FRMPD3: variants seen among roughly 807,000 people sequenced by gnomAD.
The protein encoded by FRMPD3 is FERM and PDZ domain-containing protein 3.
A neutral mutation model predicts 97.9 loss-of-function variants in FRMPD3; 42 were observed. The observed-to-expected ratio is 0.43, with a 90% CI of 0.34 to 0.55. FRMPD3 has a LOEUF of 0.55. Ranked by LOEUF, FRMPD3 falls within the 20% of genes least tolerant of loss-of-function variation. FRMPD3 has a pLI of 0.03. For missense variants in FRMPD3, 1,303 were observed against 1,457.7 expected (o/e 0.89, Z 1.73); for synonymous variants, 577 against 581.1 (o/e 0.99, Z 0.10).
Position 107,560,759 on chromosome X carries a change from C to T in FRMPD3, c.932C>T (p.Pro311Leu). ...KEWGLEPFLP[P>L]SLLQVIKEKN... is the part of the protein sequence containing the mutation. ...TGGGGCCTGGAACCCTTTCTTCCCC[C>T]CTCCCTCCTGCAGGTCATCAAAGAG... is the stretch of plus-strand genomic sequence containing the variant. Residue 311 changes from proline (P) to leucine (L), a missense_variant, in exon 10 of 15, where the codon CCC becomes CTC. Coordinates refer to ENST00000683843, the MANE Select transcript of FRMPD3 (RefSeq NM_001388459.1). The T allele has an allele frequency of 8.6e-7, 1 of 1,169,387 alleles. No individual in the cohort carries two copies. The highest frequency in any genetic ancestry group is 1.1e-6 in the Non-Finnish European group (1 of 873,971).
intron 13 of FRMPD3, among the ~76,000 whole-genome samples, chrX:107,580,788 A>G (rs921418072): frequency 9.0e-6 from 1 of 111,059 alleles, no homozygotes; most frequent in African/African-American, 3.3e-5. Flanking sequence ...TATTTCTCCA[A>G]CTGACCCAGA....
intron 6 of FRMPD3, among the ~76,000 whole-genome samples, chrX:107,550,570 T>C (rs994021090): frequency 8.9e-6 from 1 of 112,141 alleles, no homozygotes; most frequent in Admixed American, 9.4e-5. Context: ...ATTAGCTTAG[T>C]TATGGCTTGC....
chrX:107,596,738 C>A (rs1473039404), intron 13 of FRMPD3, among the ~76,000 whole-genome samples: 1 of 112,146 alleles, frequency 8.9e-6, no homozygotes, highest in Non-Finnish European at 1.9e-5. Flanking sequence ...TAATATAGAG[C>A]CTTATTCTTT....
chrX:107,516,749 T>C (rs1602768339), intron 1 of FRMPD3, among the ~76,000 whole-genome samples: 1 of 110,660 alleles, frequency 9.0e-6, no homozygotes, highest in African/African-American at 3.3e-5. Flanking sequence ...TAAATTTGTT[T>C]GAGTTCTTTG....
intron 5 of FRMPD3, among the ~76,000 whole-genome samples, chrX:107,548,950 T>C (rs1921735875): frequency 8.9e-6 from 1 of 112,419 alleles, no homozygotes; most frequent in African/African-American, 3.2e-5. Flanking sequence ...CTGATGATAT[T>C]AGACCAAGGC....
intron 14 of FRMPD3, among the ~76,000 whole-genome samples, chrX:107,599,355 T>C (rs1010090065): frequency 9.0e-6 from 1 of 111,359 alleles, no homozygotes; most frequent in East Asian, 2.8e-4. Context: ...CCACGAGGGA[T>C]TGGGGTCAGA....
At chrX:107,576,580 G>A in intron 13 of FRMPD3, 121 bp downstream of exon 13, 1 of 765,820 alleles carries the variant, frequency 1.3e-6, no homozygotes, top group South Asian at 2.6e-5. Flanking sequence ...GATTTGCCAG[G>A]AGCCAACACT....
At chrX:107,455,315 G>T (rs1018438328) in intron 1 of FRMPD3, among the ~76,000 whole-genome samples, 7 of 112,144 alleles carry the variant, frequency 6.2e-5, no homozygotes, top group African/African-American at 2.3e-4. Context: ...AACACTTTGG[G>T]AGGCTGAGGT....
At chrX:107,569,439 T>C (rs1306125138) in intron 12 of FRMPD3, among the ~76,000 whole-genome samples, 2 of 110,343 alleles carry the variant, frequency 1.8e-5, no homozygotes, top group Non-Finnish European at 3.8e-5. Context: ...TAGAGGTGCT[T>C]ATATCAGCAA....
chrX:107,595,892 C>T (rs1183816150), intron 13 of FRMPD3, among the ~76,000 whole-genome samples: 5 of 104,783 alleles, frequency 4.8e-5, no homozygotes, highest in South Asian at 8.6e-4. Flanking sequence ...GAGCCGAGGT[C>T]GCACCACTGG....
At chrX:107,542,728 A>G (rs886203491) in intron 4 of FRMPD3, among the ~76,000 whole-genome samples, 2 of 112,619 alleles carry the variant, frequency 1.8e-5, no homozygotes, top group Admixed American at 1.9e-4. Context: ...CTGATTGGGT[A>G]AATGAATCTC....
intron 1 of FRMPD3, among the ~76,000 whole-genome samples, chrX:107,478,303 T>C: frequency 8.9e-6 from 1 of 112,001 alleles, no homozygotes; most frequent in Admixed American, 9.5e-5. Flanking sequence ...TATGATCATA[T>C]GGACATTTAT....
intron 1 of FRMPD3, among the ~76,000 whole-genome samples, chrX:107,517,844 G>A (rs1569414566): frequency 1.0e-5 from 1 of 95,313 alleles, no homozygotes; most frequent in African/African-American, 3.8e-5. Flanking sequence ...GAGGGAGGGA[G>A]GGAGGGAGGG....
intron 13 of FRMPD3, among the ~76,000 whole-genome samples, chrX:107,590,070 G>A (rs758738992): frequency 8.9e-5 from 10 of 112,404 alleles, no homozygotes; most frequent in East Asian, 5.6e-4. Flanking sequence ...CAGGGGAATC[G>A]CTTGAACCAA....
intron 1 of FRMPD3, among the ~76,000 whole-genome samples, chrX:107,497,673 A>G (rs755173859): frequency 5.1e-4 from 57 of 112,493 alleles, no homozygotes; most frequent in African/African-American, 1.8e-3. Context: ...GCATAGGCTT[A>G]TTAGGTTAAT....
intron 5 of FRMPD3, among the ~76,000 whole-genome samples, chrX:107,547,614 T>C (rs907246649): frequency 3.6e-5 from 4 of 111,122 alleles, no homozygotes; most frequent in African/African-American, 1.3e-4. Context: ...CTTCCAACTC[T>C]CACTGCACTC....
chrX:107,517,817 G>A (rs1372803452), intron 1 of FRMPD3, among the ~76,000 whole-genome samples: 1 of 79,683 alleles, frequency 1.3e-5, no homozygotes, highest in African/African-American at 4.9e-5. Context: ...AGGAAAGAAA[G>A]AAGGAAGGAA....
Position 107,603,577 on chromosome X carries a change from C to A in FRMPD3, c.*204C>A. The A allele has an allele frequency of 8.9e-6, 7 of 785,340 alleles. No individual in the cohort carries two copies. The highest frequency in any genetic ancestry group is 1.2e-5 in the Non-Finnish European group (7 of 579,068). 64.7% of individuals were successfully genotyped at this position (785,340 alleles called of 1,213,427 possible). ...TTAGCTGCCGCCCTGGGTGTCCTCACCCCTTCCCTGGCCTCTGGGCCTCAC... is the reference window on the plus strand; with the variant it reads ...TTAGCTGCCGCCCTGGGTGTCCTCAACCCTTCCCTGGCCTCTGGGCCTCAC... On this transcript the variant is annotated 3_prime_UTR_variant, in exon 15 of 15. Transcript: ENST00000683843.
At chrX:107,463,604 A>T (rs1174364341) in intron 1 of FRMPD3, among the ~76,000 whole-genome samples, 1 of 112,532 alleles carries the variant, frequency 8.9e-6, no homozygotes, top group African/African-American at 3.2e-5. Flanking sequence ...TGTAAACCCC[A>T]CAAGGGCAGG....
Sources: allele counts gnomAD v4.1 joint callset (sites outside exome capture counted in the v4.1 genomes callset), GRCh38; gene constraint gnomAD v4.1.1; transcripts MANE v1.5; gene names NCBI Gene and HGNC (gene_info 2026-07-23, HGNC 2026-07-21).